Variants in MAGI2 observed in about 807,000 individuals in gnomAD.
The protein encoded by MAGI2 is membrane associated guanylate kinase, WW and PDZ domain containing 2.
Under a neutral mutation model 133.3 loss-of-function variants are expected in MAGI2, and 35 were observed. The ratio of observed to expected loss-of-function variants is 0.26; its 90% CI spans 0.20 to 0.35. The LOEUF (loss-of-function observed/expected upper bound fraction) is 0.35. Among genes scored for constraint, MAGI2 ranks in the 10% least tolerant of loss-of-function variants. The pLI is 1.00. For synonymous variants in MAGI2, 729 were observed against 710.6 expected (o/e 1.03, Z -0.41); for missense variants, 1,636 against 1,863.4 (o/e 0.88, Z 2.25).
At chr7:78,078,776 G>A (rs920364750) in intron 21 of MAGI2, 171 bp downstream of exon 21, 30 of 651,380 alleles carry the variant, frequency 4.6e-5, no homozygotes, top group Admixed American at 2.4e-4. Context: ...ATAAACATAC[G>A]TGTGTGTGTG....
intron 2 of MAGI2, among the ~76,000 whole-genome samples, chr7:78,827,458 T>G (rs956130006): frequency 1.3e-5 from 2 of 151,738 alleles, no homozygotes; most frequent in Non-Finnish European, 2.9e-5. Context: ...TTGAATTTTT[T>G]GTAGAAACAG....
chr7:78,793,075 T>C (rs1309243213), intron 2 of MAGI2, among the ~76,000 whole-genome samples: 3 of 152,236 alleles, frequency 2.0e-5, no homozygotes, highest in Admixed American at 1.3e-4. Flanking sequence ...AAAACATCAC[T>C]TCTGGGAGGC....
At chr7:79,336,194 A>G (rs1282680312) in intron 1 of MAGI2, among the ~76,000 whole-genome samples, 3 of 152,098 alleles carry the variant, frequency 2.0e-5, no homozygotes. Context: ...TAGATTTATC[A>G]TGAAGCTACT....
chr7:79,193,330 G>C (rs796998395), intron 1 of MAGI2, among the ~76,000 whole-genome samples: 1 of 152,100 alleles, frequency 6.6e-6, no homozygotes, highest in African/African-American at 2.4e-5. Context: ...TTTCCTTTCA[G>C]TTCTTCCTTA....
chr7:79,351,286 G>T (rs1563142669), intron 1 of MAGI2, among the ~76,000 whole-genome samples: 1 of 152,062 alleles, frequency 6.6e-6, no homozygotes, highest in Admixed American at 6.6e-5. Flanking sequence ...AGGACATTCT[G>T]TTTTGTCTTG....
intron 21 of MAGI2, among the ~76,000 whole-genome samples, chr7:78,020,196 AC>A (rs1808238432): frequency 6.7e-6 from 1 of 149,320 alleles, no homozygotes; most frequent in African/African-American, 2.5e-5. Context: ...CACGCCCCGA[AC>A]CTCGTCCGTG....
intron 6 of MAGI2, among the ~76,000 whole-genome samples, chr7:78,447,012 T>C (rs745915418): frequency 7.9e-5 from 12 of 152,106 alleles, no homozygotes; most frequent in Non-Finnish European, 1.8e-4. Context: ...TGATGGTTCA[T>C]CAGTTACAAC....
chr7:78,083,453 T>C (rs572307512), intron 20 of MAGI2, among the ~76,000 whole-genome samples: 204 of 116,950 alleles, frequency 1.7e-3, no homozygotes, highest in African/African-American at 6.6e-3. Context: ...ACAGAGATAC[T>C]AAAACCAGAT....
chr7:79,153,115 G>T (rs1823424453), intron 1 of MAGI2, among the ~76,000 whole-genome samples: 1 of 152,132 alleles, frequency 6.6e-6, no homozygotes, highest in Non-Finnish European at 1.5e-5. Context: ...GTAGAGCCTA[G>T]ATTCTAGTGA....
chr7:79,011,096 A>ATGG (rs1322477313), intron 1 of MAGI2: 2 of 152,146 alleles, frequency 1.3e-5, no homozygotes, highest in African/African-American at 4.8e-5. Context: ...CACAAAGAGT[A>ATGG]TGGTACTGGG....
At chr7:79,045,035 A>G (rs1410127721) in intron 1 of MAGI2, among the ~76,000 whole-genome samples, 2 of 152,240 alleles carry the variant, frequency 1.3e-5, no homozygotes, top group African/African-American at 4.8e-5. Context: ...AAACCTAAAT[A>G]TGTATCCATA....
At chr7:79,247,784 G>T (rs1206123816) in intron 1 of MAGI2, among the ~76,000 whole-genome samples, 1 of 152,162 alleles carries the variant, frequency 6.6e-6, no homozygotes, top group East Asian at 1.9e-4. Flanking sequence ...TATGTGTTAG[G>T]TTGTCATCAG....
At chr7:79,051,087 T>C (rs1302421090) in intron 1 of MAGI2, among the ~76,000 whole-genome samples, 3 of 152,232 alleles carry the variant, frequency 2.0e-5, no homozygotes, top group South Asian at 2.1e-4. Context: ...GAGTAACTGA[T>C]ACTTTTTTAC....
chr7:78,019,367 G>C lies in MAGI2; in HGVS notation c.4316C>G (p.Ser1439Cys). The C allele has an allele frequency of 3.4e-6, 5 of 1,478,944 alleles. No homozygotes were observed. Among genetic ancestry groups the C allele is most frequent in the Non-Finnish European group, 4.5e-6 (5 of 1,121,932 alleles). The allele number at this position is 1,478,944 out of a possible 1,614,324, so 91.6% of individuals were successfully genotyped here. Residue 1439 changes from serine to cysteine, a missense_variant, in exon 22 of 22, where the codon TCT becomes TGT. Transcript: ENST00000354212. ...TTTGAGGACGCTGGGCAGCTTGTCA[G>C]AACCCGGCACCTTCCAGGGCCCCGG... ...VAPGPWKVPG[S>C]DKLPSVLKPG...
At position 78,353,837 on chromosome 7, in the gene MAGI2, C is replaced by T. The variant is rs746325419; in HGVS notation, c.1104-7794G>A. Among the ~76,000 whole-genome samples the T allele has an allele frequency of 1.2e-3, 180 of 152,162 alleles. 1 individual carries two copies. Among genetic ancestry groups the T allele is most frequent in the Non-Finnish European group, 2.2e-3 (152 of 67,994 alleles). On this transcript the variant is annotated intron_variant, in intron 7 of 21. Coordinates refer to ENST00000354212, the MANE Select transcript of MAGI2 (RefSeq NM_012301.4). ...TGGGTGGCAATGTGGGAGCAAGAGG[C>T]GTAGGGGAGCGGATGGAAGCTACAA...
chr7:78,046,316 C>T (rs546745278), intron 21 of MAGI2, among the ~76,000 whole-genome samples: 8 of 151,458 alleles, frequency 5.3e-5, no homozygotes, highest in African/African-American at 1.7e-4. Context: ...GCAGCAGAAT[C>T]GCTTGAGCCC....
chr7:78,631,083 T>G (rs1808944964), intron 2 of MAGI2, among the ~76,000 whole-genome samples: 1 of 152,136 alleles, frequency 6.6e-6, no homozygotes, highest in Non-Finnish European at 1.5e-5. Context: ...GAAGCCACAT[T>G]GTTTGAGATT....
At chr7:78,718,672 A>G (rs1429092570) in intron 2 of MAGI2, among the ~76,000 whole-genome samples, 1 of 152,000 alleles carries the variant, frequency 6.6e-6, no homozygotes, top group Non-Finnish European at 1.5e-5. Flanking sequence ...TCTATGGTGC[A>G]TTGTGTAATT....
chr7:78,418,396 A>G lies in MAGI2; in HGVS notation c.1046-49183T>C, dbSNP rs374916084. On this transcript the variant is annotated intron_variant, in intron 6 of 21. Coordinates refer to ENST00000354212, the MANE Select transcript of MAGI2 (RefSeq NM_012301.4). ...AGGCAGGAAAGGTGAACATAGCAGG[A>G]AAACTCAGGGCATTGATGCTCTCAG... Among the ~76,000 whole-genome samples, 14 of 152,264 alleles carry G rather than the reference A, an allele frequency of 9.2e-5. No individual in the cohort carries two copies. In the East Asian group the frequency reaches 2.5e-3, roughly 27 times the overall value.
Sources: gnomAD v4.1 joint callset for allele counts (sites outside exome capture counted in the v4.1 genomes callset) on GRCh38, gnomAD v4.1.1 for gene constraint, MANE v1.5 for transcripts, NCBI Gene and HGNC (gene_info 2026-07-23, HGNC 2026-07-21) for gene names.